The following MROH1 variants were observed in gnomAD, a reference collection of about 807,000 sequenced individuals.
MROH1 encodes the protein maestro heat-like repeat-containing protein family member 1.
Under a neutral mutation model 116.5 loss-of-function variants are expected in MROH1, and 117 were observed. The ratio of observed to expected loss-of-function variants is 1.00; its 90% CI spans 0.86 to 1.17. MROH1 has a LOEUF of 1.17. Among genes scored for constraint, MROH1 ranks in the 50% most tolerant of loss-of-function variants. MROH1 has a pLI of 0.00. For synonymous variants in MROH1, 921 were observed against 583.9 expected, an observed-to-expected ratio of 1.58 and a Z score of -8.32; for missense variants, 1,873 against 1,338.5, an observed-to-expected ratio of 1.40 and a Z score of -6.23.
intron 4 of MROH1, among the ~76,000 whole-genome samples, chr8:144,171,843 T>C (rs989841027): frequency 6.6e-6 from 1 of 152,182 alleles, no homozygotes; most frequent in African/African-American, 2.4e-5. Flanking sequence ...GTCTGCCTAG[T>C]GGCCTACTCT....
chr8:144,259,014 G>A lies in MROH1; in HGVS notation c.3929+100G>A, dbSNP rs1049994018. 3.0e-4 allele frequency: 196 copies of A among 643,622 alleles called. No individual in the cohort carries two copies. In the African/African-American group the frequency reaches 3.2e-3, roughly 10 times the overall value. 39.9% of individuals were successfully genotyped at this position (643,622 alleles called of 1,614,324 possible). ...ATCAGGCGGGGGCCCATGCGTGTCA[G>A]GCCAATGGTGCCCTGGGCTCCTGCC... On this transcript the variant is annotated intron_variant, in intron 36 of 43. Transcript: ENST00000326134.
intron 12 of MROH1, among the ~76,000 whole-genome samples, chr8:144,205,505 T>C (rs554873897): frequency 2.0e-4 from 14 of 69,952 alleles, no homozygotes; most frequent in Non-Finnish European, 2.6e-4. Context: ...ATAAATCCTT[T>C]GCATATATAT....
At chr8:144,261,497 T>C (rs1400397505) in intron 43 of MROH1, 148 bp downstream of exon 43, 4 of 689,862 alleles carry the variant, frequency 5.8e-6, no homozygotes, top group Non-Finnish European at 1.1e-5. Flanking sequence ...ACTTCTTAAC[T>C]GTTCCAAAAG....
At chr8:144,226,512 G>A (rs566485465) in intron 14 of MROH1, among the ~76,000 whole-genome samples, 1 of 152,108 alleles carries the variant, frequency 6.6e-6, no homozygotes, top group East Asian at 1.9e-4. Context: ...GAGTAAAATG[G>A]TGCCATGCTG....
Position 144,163,943 on chromosome 8 carries a change from C to A in MROH1, c.22+95C>A. On this transcript the variant is annotated intron_variant, in intron 3 of 43. Transcript: ENST00000326134. This position sits in a 1 kb window ranked among gnomAD's most constrained non-coding sequence, Gnocchi z 4.4. Reference sequence around the variant, plus strand: ...AAGGCTCTTACCAGCTCCAATGGTGCCTAGAGTTTCCACCCTATACTCGGG... The same window carrying A: ...AAGGCTCTTACCAGCTCCAATGGTGACTAGAGTTTCCACCCTATACTCGGG... 1.5e-6 allele frequency: 2 copies of A among 1,349,318 alleles called. No homozygotes were observed. The highest frequency in any genetic ancestry group is 1.0e-6 in the Non-Finnish European group (1 of 958,178). The allele number at this position is 1,349,318 out of a possible 1,614,324, so 83.6% of individuals were successfully genotyped here. A position where few individuals can be genotyped will look rare whatever the true frequency, so the allele number is the denominator to read the frequency against.
chr8:144,243,015 T>C (rs1420388115), intron 24 of MROH1, among the ~76,000 whole-genome samples: 2 of 152,224 alleles, frequency 1.3e-5, no homozygotes, highest in Non-Finnish European at 2.9e-5. Flanking sequence ...CCAGTGGAAG[T>C]GGCAGTGGAG....
chr8:144,244,727 G>C (rs1841593187), intron 28 of MROH1, among the ~76,000 whole-genome samples, 188 bp downstream of exon 28: 1 of 152,206 alleles, frequency 6.6e-6, no homozygotes, highest in Non-Finnish European at 1.5e-5. Context: ...GGGAGGCCCT[G>C]ACCCAGGTGG....
At chr8:144,202,330 G>C (rs1337349539) in intron 12 of MROH1, among the ~76,000 whole-genome samples, 4 of 151,008 alleles carry the variant, frequency 2.6e-5, no homozygotes, top group Non-Finnish European at 5.9e-5. Context: ...CTGTGTGGAG[G>C]GGCAGGGAGG....
In MROH1 at chr8:144,163,884, G is replaced by A; in HGVS notation, c.22+36G>A. ...GGGGATTGGGAGTGGCCGGGTGTGA[G>A]GCCTCTCTTGCCTCTGGGTGGTCAG... On this transcript the variant is annotated intron_variant, in intron 3 of 43. Coordinates refer to ENST00000326134, the MANE Select transcript of MROH1 (RefSeq NM_032450.3). The surrounding 1 kb of genome is among the most constrained non-coding windows in gnomAD (Gnocchi z 4.4). The A allele has an allele frequency of 6.2e-7, 1 of 1,612,438 alleles. No individual in the cohort carries two copies.
At chr8:144,186,500 C>G (rs549901048) in intron 7 of MROH1, among the ~76,000 whole-genome samples, 2 of 152,212 alleles carry the variant, frequency 1.3e-5, no homozygotes, top group Non-Finnish European at 2.9e-5. Flanking sequence ...CCCTCCCCGT[C>G]CATGCCCCTG....
chr8:144,242,676 C>G, intron 24 of MROH1, 48 bp downstream of exon 24: 4 of 767,442 alleles, frequency 5.2e-6, no homozygotes, highest in Non-Finnish European at 9.7e-6. Context: ...CTCCTCTCGG[C>G]TCTCCTCTGG....
Position 144,260,175 on chromosome 8 carries a change from G to A in MROH1, c.4192-11G>A, listed in dbSNP as rs1169765713. On this transcript the variant is annotated splice_polypyrimidine_tract_variant and intron_variant, in intron 38 of 43. Coordinates refer to ENST00000326134, the MANE Select transcript of MROH1 (RefSeq NM_032450.3). ...ACTCTGGGACCCAGGCTGAGTGTAAGGTATCCTCAGGTGCGAACCCACGGC... is the reference window on the plus strand; with the variant it reads ...ACTCTGGGACCCAGGCTGAGTGTAAAGTATCCTCAGGTGCGAACCCACGGC... The A allele has an allele frequency of 1.3e-6, 1 of 764,518 alleles. No homozygotes were observed. The highest frequency in any genetic ancestry group is 2.4e-6 in the Non-Finnish European group (1 of 417,504). The allele number at this position is 764,518 out of a possible 1,614,324, so 47.4% of individuals were successfully genotyped here. A position where few individuals can be genotyped will look rare whatever the true frequency, so the allele number is the denominator to read the frequency against.
chr8:144,237,095 C>T (rs912093110), intron 14 of MROH1, among the ~76,000 whole-genome samples: 2,935 of 151,562 alleles, frequency 0.019, 36 homozygotes, highest in Middle Eastern at 0.041. Context: ...TTAGTAGAGA[C>T]GGGGTTTCAC....
intron 13 of MROH1, 107 bp from the exon 14 acceptor site, chr8:144,223,001 C>T (rs1837108711): frequency 2.7e-6 from 4 of 1,501,508 alleles, no homozygotes; most frequent in Admixed American, 3.9e-5. Context: ...GTTGTGGGCA[C>T]ATGTGTGGAT....
At chr8:144,195,821 T>A (rs1829766433) in intron 10 of MROH1, among the ~76,000 whole-genome samples, 1 of 151,976 alleles carries the variant, frequency 6.6e-6, no homozygotes. Flanking sequence ...TCCTGCCTCA[T>A]CCCCTCCCCA....
chr8:144,218,841 C>T (rs1588273387), intron 12 of MROH1, among the ~76,000 whole-genome samples: 1 of 26,572 alleles, frequency 3.8e-5, no homozygotes. Context: ...TCCTCCCTTC[C>T]CCTCCCCTGT....
intron 4 of MROH1, among the ~76,000 whole-genome samples, chr8:144,169,792 A>T (rs1169476036): frequency 7.1e-6 from 1 of 140,550 alleles, no homozygotes; most frequent in East Asian, 2.1e-4. Context: ...ACAGGTGTGC[A>T]CCACCACACA....
At chr8:144,258,969 C>T (rs945401590) in intron 36 of MROH1, 55 bp downstream of exon 36, 46 of 680,212 alleles carry the variant, frequency 6.8e-5, no homozygotes, top group Non-Finnish European at 9.8e-5. Flanking sequence ...CACCGGATCT[C>T]GAGCCCAGAA....
intron 10 of MROH1, among the ~76,000 whole-genome samples, chr8:144,197,374 G>A (rs1241685329): frequency 6.7e-6 from 1 of 148,976 alleles, no homozygotes; most frequent in Admixed American, 6.7e-5. Context: ...CTAGCTTCCT[G>A]CAGGGTGAGT....
Sources: gnomAD v4.1 joint callset for allele counts (sites outside exome capture counted in the v4.1 genomes callset) on GRCh38, gnomAD v4.1.1 for gene constraint, Gnocchi (gnomAD v3.1) non-coding constraint, MANE v1.5 for transcripts, NCBI Gene and HGNC (gene_info 2026-07-23, HGNC 2026-07-21) for gene names.